The following PPOX variants were observed in gnomAD, a reference collection of about 807,000 sequenced individuals.
PPOX encodes protoporphyrinogen oxidase.
PPOX carries 23 observed loss-of-function variants against 54.1 expected under a neutral mutation model. That is an observed-to-expected ratio of 0.43 (90% CI 0.31 to 0.60). PPOX has a LOEUF of 0.60. Among genes scored for constraint, PPOX ranks in the 20% least tolerant of loss-of-function variants. The pLI is 0.13. For missense variants in PPOX, 512 were observed against 601.1 expected (o/e 0.85, Z 1.55); for synonymous variants, 224 against 236.1 (o/e 0.95, Z 0.47).
At chr1:161,174,758 T>C, downstream of PPOX, 1 of 530,488 alleles carries the variant, frequency 1.9e-6, no homozygotes, top group Non-Finnish European at 3.3e-6. Context: ...GCACAAGCCA[T>C]TCAATAAAGA....
At chr1:161,170,319 T>TGGGGGGGGGGGGGGG in intron 9 of PPOX, 90 bp from the exon 10 acceptor site, 2 of 514,788 alleles carry the variant, frequency 3.9e-6, no homozygotes, top group Non-Finnish European at 3.8e-6. Context: ...AGTGAGACTC[T>TGGGGGGGGGGGGGGG]GTCCCCCCCA....
chr1:161,165,975 G>A (rs1463930938), upstream of PPOX: 1 of 488,092 alleles, frequency 2.0e-6, no homozygotes, highest in Non-Finnish European at 2.7e-6. Flanking sequence ...GGTCGGCGAT[G>A]GGGGAGTGCC....
chr1:161,176,122 C>G, downstream of PPOX: 1 of 1,595,322 alleles, frequency 6.3e-7, no homozygotes, highest in Non-Finnish European at 8.6e-7. Flanking sequence ...AGAGAGCAAG[C>G]CAGCAGAGAG....
In PPOX at chr1:161,170,607, A is replaced by T. The variant is rs1219890040; in HGVS notation, c.1099-13A>T. The T allele has an allele frequency of 1.2e-6, 2 of 1,614,004 alleles. No homozygotes were observed. Among genetic ancestry groups the T allele is most frequent in the Non-Finnish European group, 1.7e-6 (2 of 1,180,036 alleles). ...GCAAGGCCAGACTGATCAGTGCTAT[A>T]TTCCCTCCTTAGGTGATGCTGGGAG... On this transcript the variant is annotated splice_polypyrimidine_tract_variant and intron_variant, in intron 10 of 12. Coordinates refer to ENST00000367999, the MANE Select transcript of PPOX (RefSeq NM_001122764.3).
downstream of PPOX, chr1:161,171,462 A>C: frequency 1.7e-6 from 1 of 592,678 alleles, no homozygotes; most frequent in Non-Finnish European, 2.9e-6. Flanking sequence ...TAGAATAAAT[A>C]TTCACAGAGG....
intron 6 of PPOX, 82 bp downstream of exon 6, chr1:161,168,658 ATTC>A: frequency 3.2e-6 from 5 of 1,552,308 alleles, no homozygotes; most frequent in Non-Finnish European, 3.5e-6. Context: ...CTATTCAATG[ATTC>A]TTTTTTTCTT....
downstream of PPOX, chr1:161,173,721 C>A: frequency 6.2e-7 from 1 of 1,614,086 alleles, no homozygotes; most frequent in South Asian, 1.1e-5. Context: ...ACTGGGGGTA[C>A]GGGAGGCTAG....
At chr1:161,168,634 G>A in intron 6 of PPOX, 58 bp downstream of exon 6, 1 of 1,582,718 alleles carries the variant, frequency 6.3e-7, no homozygotes, top group Non-Finnish European at 8.7e-7. Context: ...GTGAGGGAGT[G>A]GGGACAAGGG....
chr1:161,173,572 G>A, downstream of PPOX: 1 of 1,612,792 alleles, frequency 6.2e-7, no homozygotes, highest in Non-Finnish European at 8.5e-7. Flanking sequence ...TCCAGACTGG[G>A]GTCAGGAGGG....
intron 9 of PPOX, 131 bp downstream of exon 9, chr1:161,170,155 T>C (rs1180894725): frequency 8.4e-7 from 1 of 1,194,100 alleles, no homozygotes; most frequent in Non-Finnish European, 1.2e-6. Context: ...TGAAACCCCA[T>C]CTCTACGAAA....
At chr1:161,172,871 G>GAA (rs1233807508), downstream of PPOX, among the ~76,000 whole-genome samples, 61 of 75,986 alleles carry the variant, frequency 8.0e-4, 1 homozygote, top group African/African-American at 2.2e-3. Context: ...TAGAGAAAAA[G>GAA]AAAAAAAAAA....
chr1:161,175,175 C>G, downstream of PPOX: 1 of 1,613,674 alleles, frequency 6.2e-7, no homozygotes, highest in Non-Finnish European at 8.5e-7. Flanking sequence ...GGATTCCGCT[C>G]CACAATCTCT....
intron 1 of PPOX, 44 bp downstream of exon 1, chr1:161,166,716 C>A: frequency 6.5e-7 from 1 of 1,537,380 alleles, no homozygotes. Flanking sequence ...TTCCACCAGC[C>A]CATCCGTGCA....
chr1:161,171,909 T>G, downstream of PPOX: 1 of 1,614,146 alleles, frequency 6.2e-7, no homozygotes, highest in Non-Finnish European at 8.5e-7. Context: ...GACGGAAGGC[T>G]TGGGAGGAAC....
chr1:161,166,803 C>T (rs761447784), intron 1 of PPOX, 37 bp from the exon 2 acceptor site: 59 of 1,608,162 alleles, frequency 3.7e-5, no homozygotes, highest in Non-Finnish European at 4.9e-5. Flanking sequence ...GCAGGTTGTC[C>T]CCGGTCTGCC....
chr1:161,175,361 G>A (rs1402126621), downstream of PPOX: 31 of 791,624 alleles, frequency 3.9e-5, no homozygotes, highest in African/African-American at 5.3e-5. Flanking sequence ...CAGAAATCTC[G>A]CATGCCTTGG....
At chr1:161,170,556 G>A (rs368162022) in intron 10 of PPOX, 37 bp downstream of exon 10, 14 of 1,614,070 alleles carry the variant, frequency 8.7e-6, no homozygotes, top group Non-Finnish European at 1.2e-5. Context: ...GGCATTTCCA[G>A]AGGGCTCCTC....
intron 4 of PPOX, 142 bp downstream of exon 4, chr1:161,167,628 G>A: frequency 5.1e-6 from 6 of 1,178,504 alleles, no homozygotes; most frequent in Non-Finnish European, 6.9e-6. Flanking sequence ...GCAATGGCGC[G>A]ATCTTGGCTC....
rs769286114 is a variant in PPOX at position 161,170,732 on chromosome 1, A to T, written c.1211A>T (p.Lys404Met). The change falls in exon 11 of 13, where the codon AAG becomes ATG. Residue 404 changes from lysine to methionine, a missense_variant. Transcript: ENST00000367999. Reference sequence around the variant, plus strand: ...GCAGCTGCTACACAATTAGGACTGAAGGAGATGCCGAGCCACTGCTTGGTC... The same window carrying T: ...GCAGCTGCTACACAATTAGGACTGATGGAGATGCCGAGCCACTGCTTGGTC... ...QEAAATQLGL[K>M]EMPSHCLVHL... 1 of 1,613,358 alleles carries T rather than the reference A, an allele frequency of 6.2e-7. No individual in the cohort carries two copies. The highest frequency in any genetic ancestry group is 8.5e-7 in the Non-Finnish European group (1 of 1,179,844).
Sources: allele counts gnomAD v4.1 joint callset (sites outside exome capture counted in the v4.1 genomes callset), GRCh38; gene constraint gnomAD v4.1.1; transcripts MANE v1.5; gene names NCBI Gene and HGNC (gene_info 2026-07-23, HGNC 2026-07-21).